The following ANKRD12 variants were observed in gnomAD, a reference collection of about 807,000 sequenced individuals.
The protein encoded by ANKRD12 is ankyrin repeat domain-containing protein 12.
ANKRD12 carries 85 observed loss-of-function variants against 183.4 expected under a neutral mutation model. The observed-to-expected ratio is 0.46, with a 90% CI of 0.39 to 0.56. The LOEUF (loss-of-function observed/expected upper bound fraction) is 0.56, where lower values mean the gene tolerates loss of function less well. ANKRD12 is among the 20% of genes least tolerant of loss of function. The probability of loss-of-function intolerance (pLI) is 0.00; values close to 1 mark genes in which losing one functional copy is unlikely to be tolerated. For missense variants in ANKRD12, 2,405 were observed against 2,357.1 expected (o/e 1.02, Z -0.42); for synonymous variants, 914 against 800.2 (o/e 1.14, Z -2.40).
At chr18:9,223,896 T>C (rs750315294) in intron 8 of ANKRD12, among the ~76,000 whole-genome samples, 2 of 152,226 alleles carry the variant, frequency 1.3e-5, no homozygotes, top group Non-Finnish European at 2.9e-5. Flanking sequence ...TAAAAGTTCA[T>C]AGTTATCTTC....
At position 9,256,851 on chromosome 18, in the gene ANKRD12, A is replaced by G; in HGVS notation, c.3584A>G (p.Glu1195Gly). 1.2e-6 allele frequency: 2 copies of G among 1,614,044 alleles called. No homozygotes were observed. The highest frequency in any genetic ancestry group is 1.7e-6 in the Non-Finnish European group (2 of 1,179,954). The change falls in exon 9 of 13, where the codon GAA becomes GGA. Residue 1195 changes from glutamate (E) to glycine (G), a missense_variant. Transcript: ENST00000262126. ...SLNRSPRSEN[E>G]KPGLSSRSVS... is the part of the protein sequence containing the mutation. ...AACAGGTCTCCTAGATCAGAAAATG[A>G]AAAGCCGGGTCTCAGCTCCAGATCT... is the stretch of plus-strand genomic sequence containing the variant.
chr18:9,188,468 A>G (rs2034249092), intron 2 of ANKRD12, among the ~76,000 whole-genome samples: 1 of 152,236 alleles, frequency 6.6e-6, no homozygotes, highest in African/African-American at 2.4e-5. Context: ...AACATGTGCA[A>G]AAATGCAAGA....
At chr18:9,138,217 A>C (rs2078191159) in intron 1 of ANKRD12, among the ~76,000 whole-genome samples, 1 of 152,018 alleles carries the variant, frequency 6.6e-6, no homozygotes, top group African/African-American at 2.4e-5. Flanking sequence ...ACTGTGTATT[A>C]AAAACATATG....
chr18:9,263,536 C>T (rs1288139476), intron 9 of ANKRD12, among the ~76,000 whole-genome samples: 2 of 152,120 alleles, frequency 1.3e-5, no homozygotes, highest in South Asian at 2.1e-4. Context: ...AAATGTGTCT[C>T]GCTGGAATAA....
intron 8 of ANKRD12, among the ~76,000 whole-genome samples, chr18:9,227,772 A>T (rs2036807997): frequency 6.6e-6 from 1 of 152,202 alleles, no homozygotes; most frequent in Non-Finnish European, 1.5e-5. Flanking sequence ...TAATTGGGGT[A>T]TCCATCACCT....
chr18:9,196,520 G>A (rs1004741369), intron 3 of ANKRD12, among the ~76,000 whole-genome samples: 4 of 152,064 alleles, frequency 2.6e-5, no homozygotes, highest in African/African-American at 9.7e-5. Context: ...CTGAGTTTAC[G>A]TACATAGATT....
chr18:9,221,944 G>A lies in ANKRD12; in HGVS notation c.888G>A (p.Leu296=). The change falls in exon 8 of 13, where the codon TTG becomes TTA. Residue 296 remains leucine (L), a synonymous_variant. Coordinates refer to ENST00000262126, the MANE Select transcript of ANKRD12 (RefSeq NM_015208.5). ...TGGATGTAGCAGAAACAGAGGAGTT[G>A]GAGTTGCTACTAAAAAGAGAGGTGC... ...RPVDVAETEE[L]ELLLKREVPL... The A allele has an allele frequency of 6.2e-7, 1 of 1,613,936 alleles. No homozygotes were observed. The highest frequency in any genetic ancestry group is 8.5e-7 in the Non-Finnish European group (1 of 1,179,892).
At chr18:9,220,047 G>C (rs2036332588) in intron 7 of ANKRD12, among the ~76,000 whole-genome samples, 1 of 152,212 alleles carries the variant, frequency 6.6e-6, no homozygotes, top group Non-Finnish European at 1.5e-5. Flanking sequence ...TTGGTATCAT[G>C]AGTAAGTTGT....
At chr18:9,235,492 T>A in intron 8 of ANKRD12, 1 of 246,358 alleles carries the variant, frequency 4.1e-6, no homozygotes, top group Non-Finnish European at 8.6e-6. Flanking sequence ...AGTTAATATA[T>A]CTCTAAGCAT....
intron 1 of ANKRD12, among the ~76,000 whole-genome samples, chr18:9,151,701 C>G (rs971573846): frequency 6.6e-6 from 1 of 152,020 alleles, no homozygotes; most frequent in African/African-American, 2.4e-5. Flanking sequence ...GCGTTTTTGC[C>G]CTGAAAGCGG....
intron 4 of ANKRD12, 117 bp from the exon 5 acceptor site, chr18:9,208,540 A>C (rs933222360): frequency 5.1e-6 from 4 of 778,962 alleles, no homozygotes; most frequent in African/African-American, 3.6e-5. Flanking sequence ...CTACTAGTTC[A>C]TATATTGTAC....
rs1020963178 is a variant in ANKRD12, at chr18:9,281,499, T to C, written c.*373T>C. 9 of 155,102 alleles carry C rather than the reference T, an allele frequency of 5.8e-5. No homozygotes were observed. The highest frequency in any genetic ancestry group is 2.2e-4 in the African/African-American group (9 of 41,548). The allele number at this position is 155,102 out of a possible 1,614,324, so 9.6% of individuals were successfully genotyped here. A position where few individuals can be genotyped will look rare whatever the true frequency, so the allele number is the denominator to read the frequency against. ...CTTTCAGGTTTTATTAAAAAATATATATCAATAAACTAAAAGGTTCAATTC... is the reference window on the plus strand; with the variant it reads ...CTTTCAGGTTTTATTAAAAAATATACATCAATAAACTAAAAGGTTCAATTC... On this transcript the variant is annotated 3_prime_UTR_variant, in exon 13 of 13. Transcript: ENST00000262126.
chr18:9,159,212 A>C (rs1215329408), intron 1 of ANKRD12, among the ~76,000 whole-genome samples: 1 of 152,130 alleles, frequency 6.6e-6, no homozygotes, highest in Non-Finnish European at 1.5e-5. Context: ...TCCAGCTGAC[A>C]TAGTAAGGAA....
chr18:9,254,136 C>T (rs1460728679), intron 8 of ANKRD12, 75 bp from the exon 9 acceptor site: 1 of 1,430,998 alleles, frequency 7.0e-7, no homozygotes, highest in African/African-American at 1.5e-5. Context: ...ATATCTTTTT[C>T]TCAGAAAAAA....
rs1457223346 is a variant in ANKRD12, at chr18:9,256,740, A to G, written c.3473A>G (p.Asp1158Gly). The change falls in exon 9 of 13, where the codon GAT becomes GGT. Residue 1158 changes from aspartate (D) to glycine (G), a missense_variant. Physicochemically the swap from Asp to Gly is moderately conservative, Grantham distance 94 (BLOSUM62 -1). Coordinates refer to ENST00000262126, the MANE Select transcript of ANKRD12 (RefSeq NM_015208.5). ...DAYTKEKQPK[D>G]AVSNRSQSVD... is the part of the protein sequence containing the mutation. ...TATACCAAGGAGAAACAACCTAAAG[A>G]TGCTGTAAGTAACAGATCACAATCT... The G allele has an allele frequency of 1.2e-6, 2 of 1,612,926 alleles. No individual in the cohort carries two copies. The highest frequency in any genetic ancestry group is 1.7e-6 in the Non-Finnish European group (2 of 1,179,706).
At chr18:9,233,110 C>T (rs2037148941) in intron 8 of ANKRD12, among the ~76,000 whole-genome samples, 1 of 152,010 alleles carries the variant, frequency 6.6e-6, no homozygotes, top group Non-Finnish European at 1.5e-5. Flanking sequence ...CCTCGGCCTC[C>T]CAAAGTGCTG....
At position 9,254,858 on chromosome 18, in the gene ANKRD12, A is replaced by G; in HGVS notation, c.1591A>G (p.Thr531Ala). ...GAAATCTTTTAGCCCAAAAGATGAT[A>G]CTTCATTACATTTATTTCATATTTC... ...FRKSFSPKDD[T>A]SLHLFHISTG... The change falls in exon 9 of 13, where the codon ACT becomes GCT. Residue 531 changes from threonine to alanine, a missense_variant. Around this residue, in one of 7 missense-constraint regions of ANKRD12, gnomAD observed 1,983 missense variants for 1,725.9 expected, o/e 1.15. Coordinates refer to ENST00000262126, the MANE Select transcript of ANKRD12 (RefSeq NM_015208.5). 1 of 1,515,258 alleles carries G rather than the reference A, an allele frequency of 6.6e-7. No homozygotes were observed. 93.9% of individuals were successfully genotyped at this position (1,515,258 alleles called of 1,614,324 possible).
At position 9,267,611 on chromosome 18, in the gene ANKRD12, C is replaced by T. The variant is rs140216448; in HGVS notation, c.5763+3723C>T. Among the ~76,000 whole-genome samples, 717 of 152,100 alleles carry T rather than the reference C, an allele frequency of 4.7e-3. 17 individuals carry two copies. Among genetic ancestry groups the T allele is most frequent in the East Asian group, 0.02 (105 of 5,170 alleles). On this transcript the variant is annotated intron_variant, in intron 10 of 12. Transcript: ENST00000262126. ...ACAACATACCAGAATCTCTGGGACA[C>T]ATTGAAAGCAGTGTGTAGAGGGAAA...
intron 8 of ANKRD12, among the ~76,000 whole-genome samples, chr18:9,223,424 T>G (rs773905844): frequency 6.6e-6 from 1 of 151,836 alleles, no homozygotes; most frequent in Non-Finnish European, 1.5e-5. Flanking sequence ...CCGGCTAATA[T>G]TGTTTTTTAC....
Sources: allele counts gnomAD v4.1 joint callset (sites outside exome capture counted in the v4.1 genomes callset), GRCh38; gene constraint gnomAD v4.1.1; regional missense constraint gnomAD v4.1.1; transcripts MANE v1.5; gene names NCBI Gene and HGNC (gene_info 2026-07-23, HGNC 2026-07-21).